ARFGEF1: variants seen among roughly 807,000 people sequenced by gnomAD.
ARFGEF1 encodes the protein ARF guanine nucleotide exchange factor 1, also known as brefeldin A-inhibited guanine nucleotide-exchange protein 1.
ARFGEF1 carries 42 observed loss-of-function variants against 231.0 expected under a neutral mutation model. The ratio of observed to expected loss-of-function variants is 0.18; its 90% CI spans 0.14 to 0.24. ARFGEF1 has a LOEUF of 0.24. ARFGEF1 is among the 10% of genes least tolerant of loss of function. The probability of loss-of-function intolerance (pLI) is 1.00; values close to 1 mark genes in which losing one functional copy is unlikely to be tolerated. For missense variants in ARFGEF1, 1,345 were observed against 2,192.0 expected (o/e 0.61, Z 7.72); for synonymous variants, 710 against 732.3 (o/e 0.97, Z 0.49).
At chr8:67,336,718 T>C (rs534548846) in intron 1 of ARFGEF1, among the ~76,000 whole-genome samples, 46 of 152,336 alleles carry the variant, frequency 3.0e-4, no homozygotes, top group African/African-American at 1.1e-3. Context: ...AGGCTCTAAG[T>C]TGAGGATCTC....
At chr8:67,183,052 C>T (rs1394663068) in intron 5 of ARFGEF1, among the ~76,000 whole-genome samples, 1 of 152,180 alleles carries the variant, frequency 6.6e-6, no homozygotes, top group East Asian at 1.9e-4. Context: ...GTTGCCAAAT[C>T]CAATACCATG....
intron 19 of ARFGEF1, among the ~76,000 whole-genome samples, chr8:67,250,595 T>C (rs1840251707): frequency 6.6e-6 from 1 of 152,186 alleles, no homozygotes; most frequent in Non-Finnish European, 1.5e-5. Flanking sequence ...TACGTGTAGT[T>C]AGAATCAGAG....
Position 67,245,006 on chromosome 8 carries a change from G to C in ARFGEF1, c.2851-4716C>G, listed in dbSNP as rs990529588. Among the ~76,000 whole-genome samples the C allele has an allele frequency of 9.3e-5, 14 of 150,682 alleles. 3 individuals are homozygous for C. The highest frequency in any genetic ancestry group is 3.2e-4 in the African/African-American group (13 of 40,462). ...AAAGAAACAAATAACATACAATGAAGCTCCAATATGTCTGGCAGCAGACTA... is the reference window on the plus strand; with the variant it reads ...AAAGAAACAAATAACATACAATGAACCTCCAATATGTCTGGCAGCAGACTA... On this transcript the variant is annotated intron_variant, in intron 19 of 38. Coordinates refer to ENST00000262215, the MANE Select transcript of ARFGEF1 (RefSeq NM_006421.5).
chr8:67,184,995 C>T (rs144137151), intron 5 of ARFGEF1, among the ~76,000 whole-genome samples: 18,527 of 144,970 alleles, frequency 0.13, 2,431 homozygotes, highest in African/African-American at 0.33. Flanking sequence ...GTCCCAGCTG[C>T]TCGGGAGGCT....
At chr8:67,226,361 A>G (rs1839370949) in intron 27 of ARFGEF1, among the ~76,000 whole-genome samples, 178 bp from the exon 28 acceptor site, 1 of 152,126 alleles carries the variant, frequency 6.6e-6, no homozygotes, top group Non-Finnish European at 1.5e-5. Flanking sequence ...CTGAGTGGTG[A>G]GAATAGTAAA....
chr8:67,250,583 C>A (rs542037425), intron 19 of ARFGEF1, among the ~76,000 whole-genome samples: 11 of 152,202 alleles, frequency 7.2e-5, no homozygotes, highest in Non-Finnish European at 1.3e-4. Flanking sequence ...ACTACCCACA[C>A]ATACGTGTAG....
chr8:67,261,273 GGAGGA>G (rs2128891090), intron 14 of ARFGEF1, among the ~76,000 whole-genome samples: 1 of 152,316 alleles, frequency 6.6e-6, no homozygotes, highest in East Asian at 1.9e-4. Context: ...TCATAGCAAG[GGAGGA>G]GAAGTTAATG....
At chr8:67,256,342 T>C (rs937048145) in intron 17 of ARFGEF1, among the ~76,000 whole-genome samples, 1 of 152,206 alleles carries the variant, frequency 6.6e-6, no homozygotes, top group African/African-American at 2.4e-5. Context: ...GGTAAATGCA[T>C]AGTTGCTCAA....
chr8:67,343,466 C>A lies in ARFGEF1; in HGVS notation c.-179G>T, dbSNP rs1808758095. The A allele has an allele frequency of 7.5e-7, 1 of 1,328,232 alleles. No homozygotes were observed. Among genetic ancestry groups the A allele is most frequent in the Non-Finnish European group, 9.7e-7 (1 of 1,036,266 alleles). 82.3% of individuals were successfully genotyped at this position (1,328,232 alleles called of 1,614,324 possible). On this transcript the variant is annotated 5_prime_UTR_variant, in exon 1 of 39. Transcript: ENST00000262215. ...GGGCGAGCGGGACCAGCCGCGGTGT[C>A]GGCGAAGGGCGTCGAGGTCCTCGCC...
chr8:67,230,275 A>T (rs1294752812), intron 23 of ARFGEF1, among the ~76,000 whole-genome samples: 1 of 152,164 alleles, frequency 6.6e-6, no homozygotes, highest in Non-Finnish European at 1.5e-5. Flanking sequence ...AGAAAAGCAA[A>T]GGACAGAAGC....
intron 32 of ARFGEF1, among the ~76,000 whole-genome samples, chr8:67,217,510 T>A (rs1236642644): frequency 1.3e-5 from 2 of 152,110 alleles, no homozygotes; most frequent in African/African-American, 4.8e-5. Context: ...ATAAATAAAA[T>A]CTTATAAAAG....
At chr8:67,194,459 G>A (rs1445715270), downstream of ARFGEF1, among the ~76,000 whole-genome samples, 1 of 152,096 alleles carries the variant, frequency 6.6e-6, no homozygotes, top group East Asian at 1.9e-4. Flanking sequence ...TTAATTGATG[G>A]GACAGTAGGA....
intron 38 of ARFGEF1, 126 bp downstream of exon 38, chr8:67,200,270 G>C: frequency 1.3e-6 from 1 of 751,722 alleles, no homozygotes; most frequent in East Asian, 2.6e-5. Flanking sequence ...CTTTGCACAA[G>C]CAGCAGTGCA....
At chr8:67,191,553 G>A (rs1836254777) in intron 5 of ARFGEF1, among the ~76,000 whole-genome samples, 1 of 152,158 alleles carries the variant, frequency 6.6e-6, no homozygotes, top group Non-Finnish European at 1.5e-5. Context: ...TTTGTGACTG[G>A]ATTTGTCTTT....
intron 1 of ARFGEF1, among the ~76,000 whole-genome samples, chr8:67,337,115 C>T (rs1476453470): frequency 2.7e-5 from 3 of 112,414 alleles, no homozygotes; most frequent in East Asian, 2.9e-4. Context: ...TGTGACAGAG[C>T]GTGACGCCGT....
chr8:67,227,688 A>G (rs570627940), intron 25 of ARFGEF1, 90 bp from the exon 26 acceptor site: 1 of 1,336,502 alleles, frequency 7.5e-7, no homozygotes, highest in East Asian at 2.4e-5. Flanking sequence ...AAAGTATAGA[A>G]TAGCATAGAT....
intron 4 of ARFGEF1, among the ~76,000 whole-genome samples, chr8:67,298,637 GAC>G (rs1806345116): frequency 6.6e-6 from 1 of 152,202 alleles, no homozygotes; most frequent in Non-Finnish European, 1.5e-5. Flanking sequence ...AACTTTGGAA[GAC>G]TCTAGGGACT....
chr8:67,300,345 T>G (rs1007152471), intron 3 of ARFGEF1, among the ~76,000 whole-genome samples: 6 of 152,188 alleles, frequency 3.9e-5, no homozygotes, highest in Non-Finnish European at 8.8e-5. Flanking sequence ...AAAAGAGAAG[T>G]ATTCCTCTAC....
At chr8:67,264,541 A>C (rs998053410) in intron 14 of ARFGEF1, among the ~76,000 whole-genome samples, 4 of 152,178 alleles carry the variant, frequency 2.6e-5, no homozygotes, top group African/African-American at 9.6e-5. Flanking sequence ...GCTGAGGAAC[A>C]GAACGCTGGC....
Sources: gnomAD v4.1 joint callset for allele counts (sites outside exome capture counted in the v4.1 genomes callset) on GRCh38, gnomAD v4.1.1 for gene constraint, MANE v1.5 for transcripts, NCBI Gene and HGNC (gene_info 2026-07-23, HGNC 2026-07-21) for gene names.